The following CMSS1 variants were observed in gnomAD, a reference collection of about 807,000 sequenced individuals.
The protein encoded by CMSS1 is cms1 ribosomal small subunit homolog.
In CMSS1, 33 loss-of-function variants were observed where a neutral mutation model predicts 43.5. The ratio of observed to expected loss-of-function variants is 0.76; its 90% CI spans 0.57 to 1.01. The LOEUF is 1.01. Ranked by LOEUF, CMSS1 falls within the 50% of genes least tolerant of loss-of-function variation. The pLI is 0.00. For missense variants in CMSS1, 313 were observed against 326.4 expected, an observed-to-expected ratio of 0.96 and a Z score of 0.32; for synonymous variants, 115 against 117.2, an observed-to-expected ratio of 0.98 and a Z score of 0.12.
rs1256191429 is a variant in CMSS1, at chr3:100,021,954, TGTGTGTGAGAGAGAGAGAGA to T, written c.65-125017_65-124998del. Among the ~76,000 whole-genome samples the T allele has an allele frequency of 1.5e-3, 176 of 114,386 alleles. 2 individuals are homozygous for T. The East Asian group carries it at 0.035, about 23-fold the overall frequency. 75.0% of individuals were successfully genotyped at this position (114,386 alleles called of 152,430 possible). On this transcript the variant is annotated intron_variant, in intron 1 of 9. Transcript: ENST00000421999. ...GTGTGTGTGTGTGTGTGTGTGTGTG[TGTGTGTGAGAGAGAGAGAGA>T]GAGAGAGAGAGAGAGAGAGATATGA...
intron 1 of CMSS1, among the ~76,000 whole-genome samples, chr3:100,031,383 C>T (rs2065019551): frequency 1.3e-5 from 2 of 152,036 alleles, no homozygotes; most frequent in South Asian, 4.1e-4. Context: ...CGTTTCCACT[C>T]ATCCTGGATT....
intron 1 of CMSS1, among the ~76,000 whole-genome samples, chr3:100,029,458 C>T (rs954275388): frequency 6.6e-6 from 1 of 152,038 alleles, no homozygotes; most frequent in East Asian, 1.9e-4. Flanking sequence ...GCATTTGCAA[C>T]CTTTGCCAAG....
At chr3:99,900,608 A>G (rs2107625972) in intron 1 of CMSS1, among the ~76,000 whole-genome samples, 1 of 152,346 alleles carries the variant, frequency 6.6e-6, no homozygotes, top group South Asian at 2.1e-4. Context: ...TATTTGTTCC[A>G]ACCATTTCTT....
chr3:100,089,831 A>G (rs985552994), intron 1 of CMSS1, among the ~76,000 whole-genome samples: 4 of 152,224 alleles, frequency 2.6e-5, no homozygotes, highest in African/African-American at 9.6e-5. Context: ...ACTGGATTCT[A>G]GTCTCCATTT....
intron 1 of CMSS1, among the ~76,000 whole-genome samples, chr3:99,934,796 A>G (rs1275197658): frequency 1.3e-5 from 2 of 152,230 alleles, no homozygotes; most frequent in Non-Finnish European, 2.9e-5. Context: ...GATGATATTC[A>G]TAAGTGGTAA....
intron 1 of CMSS1, among the ~76,000 whole-genome samples, chr3:99,874,894 A>G (rs1256828307): frequency 6.6e-6 from 1 of 152,184 alleles, no homozygotes; most frequent in African/African-American, 2.4e-5. Context: ...CTGTACCTCC[A>G]AACAGTTATC....
chr3:99,824,977 G>A (rs140130634), intron 1 of CMSS1, among the ~76,000 whole-genome samples: 13 of 152,240 alleles, frequency 8.5e-5, no homozygotes, highest in African/African-American at 2.9e-4. Flanking sequence ...AATGGAGTAG[G>A]GGAGCACCTT....
chr3:99,930,676 C>T, intron 1 of CMSS1: 1 of 1,377,028 alleles, frequency 7.3e-7, no homozygotes, highest in Non-Finnish European at 1.0e-6. Flanking sequence ...CATGTATGAA[C>T]CACAGATATC....
intron 1 of CMSS1, among the ~76,000 whole-genome samples, chr3:99,927,557 C>T (rs567497513): frequency 2.2e-4 from 34 of 151,928 alleles, no homozygotes; most frequent in Admixed American, 1.1e-3. Flanking sequence ...TTAGTAGAAA[C>T]GGGCTTTCTT....
intron 1 of CMSS1, among the ~76,000 whole-genome samples, chr3:100,094,656 A>G (rs1190519835): frequency 2.0e-5 from 2 of 100,754 alleles, no homozygotes; most frequent in Non-Finnish European, 4.2e-5. Flanking sequence ...CTCCAGCACC[A>G]TTTGTTGGAA....
intron 1 of CMSS1, among the ~76,000 whole-genome samples, chr3:100,006,846 T>C (rs1710002916): frequency 6.6e-6 from 1 of 152,218 alleles, no homozygotes; most frequent in Admixed American, 6.5e-5. Context: ...TGCATTGTCT[T>C]AAGCTATTTG....
intron 2 of CMSS1, among the ~76,000 whole-genome samples, chr3:100,157,498 G>A (rs2066985993): frequency 6.6e-6 from 1 of 152,214 alleles, no homozygotes. Flanking sequence ...TTGTCAATTA[G>A]TGTATTCATG....
chr3:99,963,218 A>G (rs1008050448), intron 1 of CMSS1, among the ~76,000 whole-genome samples: 1 of 152,234 alleles, frequency 6.6e-6, no homozygotes, highest in East Asian at 1.9e-4. Context: ...CCATGAAGGT[A>G]TAGTTGCCCC....
At chr3:99,938,206 G>A (rs1002712066) in intron 1 of CMSS1, among the ~76,000 whole-genome samples, 2 of 152,172 alleles carry the variant, frequency 1.3e-5, no homozygotes, top group Non-Finnish European at 2.9e-5. Context: ...ACCCTGATCT[G>A]CTATCCCTCA....
chr3:100,109,545 G>T (rs9798963), intron 1 of CMSS1, among the ~76,000 whole-genome samples: 7 of 152,140 alleles, frequency 4.6e-5, no homozygotes, highest in Admixed American at 6.5e-5. Context: ...GTTTTTGGGG[G>T]TTTTTTCCCA....
chr3:100,009,343 A>T (rs1241541737), intron 1 of CMSS1, among the ~76,000 whole-genome samples: 2 of 152,200 alleles, frequency 1.3e-5, no homozygotes, highest in African/African-American at 4.8e-5. Context: ...AGGGAGTTAG[A>T]GTTCGCAGTA....
At chr3:100,113,688 CT>C (rs777433116) in intron 1 of CMSS1, among the ~76,000 whole-genome samples, 24 of 152,198 alleles carry the variant, frequency 1.6e-4, no homozygotes, top group Non-Finnish European at 3.5e-4. Flanking sequence ...TTCACATCAG[CT>C]TACAAAATCA....
intron 1 of CMSS1, among the ~76,000 whole-genome samples, chr3:99,830,878 A>T (rs1021181574): frequency 6.6e-6 from 1 of 152,252 alleles, no homozygotes; most frequent in African/African-American, 2.4e-5. Flanking sequence ...AGTAGGACAT[A>T]TACAAGAGTA....
At chr3:99,960,867 G>A (rs193077960) in intron 1 of CMSS1, among the ~76,000 whole-genome samples, 1 of 152,250 alleles carries the variant, frequency 6.6e-6, no homozygotes, top group African/African-American at 2.4e-5. Context: ...TTTTTAATTG[G>A]TGTTTCTAAA....
Sources: allele counts gnomAD v4.1 joint callset (sites outside exome capture counted in the v4.1 genomes callset), GRCh38; gene constraint gnomAD v4.1.1; transcripts MANE v1.5; gene names NCBI Gene and HGNC (gene_info 2026-07-23, HGNC 2026-07-21).